PANX1: variants seen among roughly 807,000 people sequenced by gnomAD.
PANX1 encodes the protein pannexin-1.
In PANX1, 30 loss-of-function variants were observed where a neutral mutation model predicts 38.7. The ratio of observed to expected loss-of-function variants is 0.78; its 90% CI spans 0.58 to 1.05. The LOEUF (loss-of-function observed/expected upper bound fraction) is 1.05. Among genes scored for constraint, PANX1 ranks in the 50% least tolerant of loss-of-function variants. The probability of loss-of-function intolerance (pLI) is 0.00; values close to 1 mark genes in which losing one functional copy is unlikely to be tolerated. For synonymous variants in PANX1, 230 were observed against 212.2 expected, an observed-to-expected ratio of 1.08 and a Z score of -0.73; for missense variants, 551 against 517.2, an observed-to-expected ratio of 1.07 and a Z score of -0.63.
At chr11:94,151,809 C>T (rs750937099) in intron 1 of PANX1, among the ~76,000 whole-genome samples, 2 of 152,202 alleles carry the variant, frequency 1.3e-5, no homozygotes, top group African/African-American at 2.4e-5. Flanking sequence ...AGAACTACCC[C>T]ATTATAGAAC....
chr11:94,178,402 CTCCTGT>C lies in PANX1; in HGVS notation c.356_361del (p.Leu119_Tyr121delinsHis), dbSNP rs1947259979. The C allele has an allele frequency of 6.2e-7, 1 of 1,613,936 alleles. No homozygotes were observed. The highest frequency in any genetic ancestry group is 1.3e-5 in the African/African-American group (1 of 74,888). ...CTACATCCTGCTGCTCTTTGCGATC[CTCCTGT>C]ACCTGCCCCCGCTGTTCTGGCGTTT... is the stretch of plus-strand genomic sequence containing the variant. On this transcript the variant is annotated inframe_deletion, in exon 3 of 5. Transcript: ENST00000227638.
chr11:94,177,883 C>T (rs1947253360), intron 2 of PANX1, among the ~76,000 whole-genome samples: 2 of 151,876 alleles, frequency 1.3e-5, no homozygotes, highest in African/African-American at 2.4e-5. Flanking sequence ...TCACTGAAGT[C>T]GAAGCTTTTC....
Position 94,137,729 on chromosome 11 carries a change from A to G in PANX1, c.181+8236A>G, listed in dbSNP as rs950608412. Among the ~76,000 whole-genome samples, 20 of 150,752 alleles carry G rather than the reference A, an allele frequency of 1.3e-4. No homozygotes were observed. In the Admixed American group the frequency reaches 1.3e-3, roughly 10 times the overall value. On this transcript the variant is annotated intron_variant, in intron 1 of 4. Transcript: ENST00000227638. ...TTTTAATAAATTCTCTATAAAGCTC[A>G]CACTCCTTTTTAAAATATAAATATT... is the stretch of plus-strand genomic sequence containing the variant.
chr11:94,165,865 A>G (rs1947097200), intron 2 of PANX1, among the ~76,000 whole-genome samples: 1 of 152,196 alleles, frequency 6.6e-6, no homozygotes, highest in Non-Finnish European at 1.5e-5. Context: ...GTGAGCTGAG[A>G]TCGCACCATT....
chr11:94,170,177 C>G (rs1731340424), intron 2 of PANX1, among the ~76,000 whole-genome samples: 1 of 151,642 alleles, frequency 6.6e-6, no homozygotes, highest in Non-Finnish European at 1.5e-5. Flanking sequence ...TTCATCTTCC[C>G]AAACTGAGAC....
chr11:94,137,554 G>A (rs1010250747), intron 1 of PANX1, among the ~76,000 whole-genome samples: 3 of 151,740 alleles, frequency 2.0e-5, no homozygotes, highest in East Asian at 3.9e-4. Context: ...GGCAGGCCCC[G>A]CTGCATGCTG....
intron 1 of PANX1, among the ~76,000 whole-genome samples, chr11:94,146,063 G>T (rs1315196003): frequency 1.3e-5 from 2 of 152,216 alleles, no homozygotes; most frequent in Admixed American, 6.5e-5. Context: ...GCTCTTTGCA[G>T]AAATGGCCAG....
At chr11:94,149,515 G>A (rs149876583) in intron 1 of PANX1, among the ~76,000 whole-genome samples, 1 of 152,262 alleles carries the variant, frequency 6.6e-6, no homozygotes, top group East Asian at 1.9e-4. Context: ...TTTTCTCCTG[G>A]TGATCTGTTA....
intron 1 of PANX1, among the ~76,000 whole-genome samples, chr11:94,143,937 C>T (rs549415758): frequency 5.3e-5 from 8 of 152,124 alleles, no homozygotes; most frequent in African/African-American, 9.6e-5. Flanking sequence ...TTTGTAGAGA[C>T]GGGGTCTCAC....
chr11:94,152,754 C>T (rs1214254082), intron 1 of PANX1, among the ~76,000 whole-genome samples: 2 of 152,164 alleles, frequency 1.3e-5, no homozygotes, highest in African/African-American at 4.8e-5. Context: ...GTAGCATCTG[C>T]AGAGAGATGT....
At chr11:94,129,888 A>C (rs552395817) in intron 1 of PANX1, among the ~76,000 whole-genome samples, 1 of 152,220 alleles carries the variant, frequency 6.6e-6, no homozygotes, top group African/African-American at 2.4e-5. Context: ...CTGAGTGGCT[A>C]CATGGAGGAT....
At chr11:94,141,321 T>G (rs1260749817) in intron 1 of PANX1, among the ~76,000 whole-genome samples, 1 of 152,224 alleles carries the variant, frequency 6.6e-6, no homozygotes, top group Non-Finnish European at 1.5e-5. Context: ...GTTTTAAATT[T>G]GCCAATCTTA....
chr11:94,129,653 G>T (rs1946602898), intron 1 of PANX1, among the ~76,000 whole-genome samples, 160 bp downstream of exon 1: 1 of 152,126 alleles, frequency 6.6e-6, no homozygotes, highest in East Asian at 1.9e-4. Flanking sequence ...AGCGTTCTTT[G>T]CCCAGGTGTT....
At chr11:94,146,500 C>G (rs980892594) in intron 1 of PANX1, among the ~76,000 whole-genome samples, 1 of 152,178 alleles carries the variant, frequency 6.6e-6, no homozygotes, top group Non-Finnish European at 1.5e-5. Flanking sequence ...GCAGAAGAGA[C>G]CTAGCAGGCA....
At chr11:94,142,308 G>C (rs1260851003) in intron 1 of PANX1, among the ~76,000 whole-genome samples, 1 of 152,132 alleles carries the variant, frequency 6.6e-6, no homozygotes, top group Non-Finnish European at 1.5e-5. Flanking sequence ...TTAGGAACAT[G>C]GGTGTATGGA....
At chr11:94,177,129 A>G (rs1224342852) in intron 2 of PANX1, among the ~76,000 whole-genome samples, 1 of 151,652 alleles carries the variant, frequency 6.6e-6, no homozygotes, top group African/African-American at 2.4e-5. Flanking sequence ...AACCAGATGG[A>G]TGGGCTAAAT....
rs182446745 is a variant in PANX1, at chr11:94,170,637, T to C, written c.322-7732T>C. ...TCTCCACACTGAGCAGACTCGGGAC[T>C]GTTAAGCTGTTAGGGTCCTCTCATT... On this transcript the variant is annotated intron_variant, in intron 2 of 4. Transcript: ENST00000227638. Among the ~76,000 whole-genome samples, 245 of 151,954 alleles carry C rather than the reference T, an allele frequency of 1.6e-3. 3 individuals carry two copies. Among genetic ancestry groups the C allele is most frequent in the Admixed American group, 4.7e-3 (72 of 15,298 alleles).
intron 2 of PANX1, among the ~76,000 whole-genome samples, chr11:94,159,152 A>C (rs1345290032): frequency 1.3e-5 from 2 of 152,200 alleles, no homozygotes; most frequent in African/African-American, 4.8e-5. Flanking sequence ...TCGGTTTGCC[A>C]GTATTTTATT....
At chr11:94,172,406 A>G (rs1326796634) in intron 2 of PANX1, among the ~76,000 whole-genome samples, 2 of 151,814 alleles carry the variant, frequency 1.3e-5, no homozygotes, top group African/African-American at 2.4e-5. Flanking sequence ...TTCTGCATTT[A>G]TAACAGACTG....
Sources: gnomAD v4.1 joint callset for allele counts (sites outside exome capture counted in the v4.1 genomes callset) on GRCh38, gnomAD v4.1.1 for gene constraint, MANE v1.5 for transcripts, NCBI Gene and HGNC (gene_info 2026-07-23, HGNC 2026-07-21) for gene names.